Variants in ARHGEF7 observed in about 807,000 individuals in gnomAD.
ARHGEF7 encodes the protein PAK-interacting exchange factor beta.
In ARHGEF7, 33 loss-of-function variants were observed where a neutral mutation model predicts 109.8. That is an observed-to-expected ratio of 0.30 (90% CI 0.23 to 0.40). The LOEUF is 0.40. ARHGEF7 is among the 10% of genes least tolerant of loss of function. The pLI, the probability that ARHGEF7 is intolerant of heterozygous loss-of-function variation, is 1.00. For missense variants in ARHGEF7, 938 were observed against 1,098.5 expected, an observed-to-expected ratio of 0.85 and a Z score of 2.07; for synonymous variants, 458 against 424.6, an observed-to-expected ratio of 1.08 and a Z score of -0.97.
chr13:111,278,641 G>T (rs980572528), intron 13 of ARHGEF7, among the ~76,000 whole-genome samples: 4 of 152,236 alleles, frequency 2.6e-5, no homozygotes, highest in Non-Finnish European at 4.4e-5. Flanking sequence ...GGCCACTGCT[G>T]AAGAGAGGTG....
chr13:111,199,311 T>G (rs2080938581), intron 2 of ARHGEF7, among the ~76,000 whole-genome samples: 1 of 152,218 alleles, frequency 6.6e-6, no homozygotes, highest in African/African-American at 2.4e-5. Context: ...TGTGAAAATT[T>G]AAGTTTGGGT....
intron 4 of ARHGEF7, among the ~76,000 whole-genome samples, chr13:111,214,368 G>A (rs2082863922): frequency 6.6e-6 from 1 of 152,222 alleles, no homozygotes; most frequent in African/African-American, 2.4e-5. Context: ...GACCTGGGAA[G>A]GGGCCTGCTG....
At chr13:111,167,588 G>A (rs560646859) in intron 2 of ARHGEF7, among the ~76,000 whole-genome samples, 4 of 152,280 alleles carry the variant, frequency 2.6e-5, no homozygotes, top group African/African-American at 9.6e-5. Flanking sequence ...ATATCCCTTG[G>A]TGCAATGTTA....
intron 19 of ARHGEF7, among the ~76,000 whole-genome samples, chr13:111,295,753 T>A (rs549307220): frequency 6.6e-6 from 1 of 152,342 alleles, no homozygotes; most frequent in South Asian, 2.1e-4. Flanking sequence ...CCTAGATGAC[T>A]TTTGGAGAGA....
chr13:111,117,261 C>G (rs544712316), intron 1 of ARHGEF7, among the ~76,000 whole-genome samples: 2 of 152,152 alleles, frequency 1.3e-5, no homozygotes, highest in Non-Finnish European at 2.9e-5. Flanking sequence ...TGGCCGACTT[C>G]AATAATCATT....
At chr13:111,279,040 A>C (rs1466430790) in intron 13 of ARHGEF7, among the ~76,000 whole-genome samples, 1 of 152,222 alleles carries the variant, frequency 6.6e-6, no homozygotes, top group East Asian at 1.9e-4. Flanking sequence ...GGGGGATGCC[A>C]AAAAGTGTTC....
At chr13:111,189,312 T>C (rs545893188) in intron 2 of ARHGEF7, among the ~76,000 whole-genome samples, 1 of 152,256 alleles carries the variant, frequency 6.6e-6, no homozygotes, top group South Asian at 2.1e-4. Context: ...TTAAAGATGG[T>C]GTGTCTGGAG....
chr13:111,237,156 C>T (rs1265120804), intron 6 of ARHGEF7, among the ~76,000 whole-genome samples: 1 of 152,086 alleles, frequency 6.6e-6, no homozygotes, highest in Non-Finnish European at 1.5e-5. Context: ...ATATTCCTTG[C>T]CTCAAACAGT....
chr13:111,158,677 G>C (rs1195384044), intron 2 of ARHGEF7, among the ~76,000 whole-genome samples: 2 of 152,182 alleles, frequency 1.3e-5, no homozygotes, highest in African/African-American at 4.8e-5. Flanking sequence ...ATGTAGACCA[G>C]CTAGTCACAT....
chr13:111,279,966 G>C (rs1037351858), intron 13 of ARHGEF7, among the ~76,000 whole-genome samples: 2 of 152,174 alleles, frequency 1.3e-5, no homozygotes, highest in Admixed American at 6.5e-5. Context: ...AAATCATAAT[G>C]TGTGATGTCT....
At chr13:111,191,608 C>G (rs1372086746) in intron 2 of ARHGEF7, among the ~76,000 whole-genome samples, 2 of 152,030 alleles carry the variant, frequency 1.3e-5, no homozygotes, top group Admixed American at 6.5e-5. Flanking sequence ...TTGATAGATA[C>G]AAAGCCAACA....
rs565696282 is a variant in ARHGEF7, at chr13:111,269,076, C to T, written c.1073+1406C>T. ...AAACCCAAAGAACCCTCCCTCTGCA[C>T]GTCCCGCTTGGGAGCGTGGGCCATG... On this transcript the variant is annotated intron_variant, in intron 9 of 21. Coordinates refer to ENST00000646102, the MANE Select transcript of ARHGEF7 (RefSeq NM_001354046.2). 6.6e-5 allele frequency among the ~76,000 whole-genome samples: 10 copies of T among 152,322 alleles called. No homozygotes were observed. The East Asian group carries it at 9.7e-4, about 15-fold the overall frequency.
Position 111,262,440 on chromosome 13 carries a change from C to A in ARHGEF7, c.951-5108C>A, listed in dbSNP as rs113522425. Among the ~76,000 whole-genome samples the A allele has an allele frequency of 8.8e-3, 1,334 of 152,036 alleles. 14 individuals carry two copies. Among genetic ancestry groups the A allele is most frequent in the Non-Finnish European group, 0.015 (996 of 67,968 alleles). ...TGTGTGTGTGTGTGTCTATCTCCAC[C>A]CTGAGTGGGAGCAGGAGGCTACTTG... On this transcript the variant is annotated intron_variant, in intron 8 of 21. Transcript: ENST00000646102.
At chr13:111,288,538 A>G (rs2093125374) in intron 18 of ARHGEF7, 95 bp downstream of exon 18, 2 of 922,572 alleles carry the variant, frequency 2.2e-6, no homozygotes, top group Non-Finnish European at 3.3e-6. Flanking sequence ...GGCCCCTTGC[A>G]CAGCCCATGC....
At chr13:111,140,710 T>G (rs538701956) in intron 1 of ARHGEF7, among the ~76,000 whole-genome samples, 1 of 152,312 alleles carries the variant, frequency 6.6e-6, no homozygotes, top group African/African-American at 2.4e-5. Context: ...TTTGCTTTTT[T>G]AGAGGCAGGG....
chr13:111,132,925 T>C (rs2074839749), intron 1 of ARHGEF7, among the ~76,000 whole-genome samples: 3 of 151,952 alleles, frequency 2.0e-5, no homozygotes, highest in Admixed American at 1.3e-4. Context: ...CACATACATG[T>C]ACACACATAA....
chr13:111,217,876 C>T lies in ARHGEF7; in HGVS notation c.666C>T (p.Ala222=), dbSNP rs373978851. ...GCAACTACGTGCGCGAGGTCAAGGC[C>T]AGCGGTAAGTGGCCGAGCCTGGGCT... ...FPSNYVREVK[A]SEKPVSPKSG... Residue 222 remains alanine, a synonymous_variant, in exon 5 of 22, where the codon GCC becomes GCT. Transcript: ENST00000646102. 2 of 1,610,228 alleles carry T rather than the reference C, an allele frequency of 1.2e-6. No individual in the cohort carries two copies. The highest frequency in any genetic ancestry group is 1.7e-6 in the Non-Finnish European group (2 of 1,177,046).
At chr13:111,192,908 C>T (rs1399375510) in intron 2 of ARHGEF7, among the ~76,000 whole-genome samples, 1 of 152,154 alleles carries the variant, frequency 6.6e-6, no homozygotes, top group African/African-American at 2.4e-5. Flanking sequence ...ATTGAAATCC[C>T]TTCGACTTAG....
intron 19 of ARHGEF7, chr13:111,293,314 G>A: frequency 1.0e-6 from 1 of 985,152 alleles, no homozygotes; most frequent in Non-Finnish European, 1.2e-6. Context: ...ATTATTTTCA[G>A]CAACCAGCTG....
Sources: allele counts gnomAD v4.1 joint callset (sites outside exome capture counted in the v4.1 genomes callset), GRCh38; gene constraint gnomAD v4.1.1; transcripts MANE v1.5; gene names NCBI Gene and HGNC (gene_info 2026-07-23, HGNC 2026-07-21).